The following TRAPPC9 variants were observed in gnomAD, a reference collection of about 807,000 sequenced individuals.
The protein encoded by TRAPPC9 is trafficking protein particle complex subunit 9.
TRAPPC9 carries 83 observed loss-of-function variants against 124.0 expected under a neutral mutation model. The ratio of observed to expected loss-of-function variants is 0.67; its 90% CI spans 0.56 to 0.80. TRAPPC9 has a LOEUF of 0.80. Ranked by LOEUF, TRAPPC9 falls within the 30% of genes least tolerant of loss-of-function variation. The probability of loss-of-function intolerance (pLI) is 0.00; values close to 1 mark genes in which losing one functional copy is unlikely to be tolerated. For synonymous variants in TRAPPC9, 638 were observed against 617.5 expected (o/e 1.03, Z -0.49); for missense variants, 1,302 against 1,508.3 (o/e 0.86, Z 2.27).
intron 21 of TRAPPC9, among the ~76,000 whole-genome samples, chr8:139,799,934 A>G (rs12681350): frequency 0.14 from 21,216 of 152,206 alleles, 1,760 homozygotes; most frequent in East Asian, 0.27. Flanking sequence ...ACTAATCACG[A>G]GAGGGAAGTG....
At chr8:139,946,397 G>GTCAA (rs1563942829) in intron 19 of TRAPPC9, among the ~76,000 whole-genome samples, 1 of 152,172 alleles carries the variant, frequency 6.6e-6, no homozygotes, top group African/African-American at 2.4e-5. Context: ...AGAAGCCCTC[G>GTCAA]TCAATGGCTG....
chr8:140,458,412 G>C (rs768280914), upstream of TRAPPC9: 6 of 1,594,308 alleles, frequency 3.8e-6, no homozygotes, highest in Non-Finnish European at 5.1e-6. Flanking sequence ...GACTCCCACG[G>C]TCGTGCCCCC....
At chr8:139,763,897 G>A (rs1440881203) in intron 21 of TRAPPC9, among the ~76,000 whole-genome samples, 1 of 152,224 alleles carries the variant, frequency 6.6e-6, no homozygotes, top group South Asian at 2.1e-4. Flanking sequence ...CAGAAGAACT[G>A]CCCGTTGACA....
At chr8:140,040,365 G>A (rs73357199) in intron 17 of TRAPPC9, 13,618 of 152,146 alleles carry the variant, frequency 0.09, 1,059 homozygotes, top group African/African-American at 0.2. Context: ...TGGTCAAGTG[G>A]CAAGGTCATC....
intron 17 of TRAPPC9, among the ~76,000 whole-genome samples, chr8:140,043,667 G>A (rs1841403925): frequency 6.6e-6 from 1 of 152,176 alleles, no homozygotes; most frequent in African/African-American, 2.4e-5. Flanking sequence ...CTAGATCGCT[G>A]GGCCAACACC....
At chr8:139,994,611 G>A (rs1030673017) in intron 18 of TRAPPC9, among the ~76,000 whole-genome samples, 7 of 152,224 alleles carry the variant, frequency 4.6e-5, no homozygotes, top group Non-Finnish European at 8.8e-5. Flanking sequence ...ATGAGGCAGA[G>A]CATAAGACAT....
At position 139,776,048 on chromosome 8, in the gene TRAPPC9, C is replaced by T. The variant is rs1462097785; in HGVS notation, c.3056-43846G>A. Among the ~76,000 whole-genome samples, 1 of 152,234 alleles carries T rather than the reference C, an allele frequency of 6.6e-6. No individual in the cohort carries two copies. The highest frequency in any genetic ancestry group is 2.4e-5 in the African/African-American group (1 of 41,450). ...GCTCTGAGCTGTCTTCCTCCTCTCACCAGGCACCTTCAGAGGTCTTGAGCA... is the reference window on the plus strand; with the variant it reads ...GCTCTGAGCTGTCTTCCTCCTCTCATCAGGCACCTTCAGAGGTCTTGAGCA... On this transcript the variant is annotated intron_variant, in intron 21 of 22. Coordinates refer to ENST00000438773, the MANE Select transcript of TRAPPC9 (RefSeq NM_001160372.4). The surrounding 1 kb of genome is among the most constrained non-coding windows in gnomAD (Gnocchi z 4.1).
At chr8:139,785,040 A>G (rs887881793) in intron 21 of TRAPPC9, among the ~76,000 whole-genome samples, 1 of 152,246 alleles carries the variant, frequency 6.6e-6, no homozygotes, top group African/African-American at 2.4e-5. Flanking sequence ...GCACAACAGC[A>G]ATAATTAAGA....
chr8:139,771,368 C>A (rs1820947267), intron 21 of TRAPPC9, among the ~76,000 whole-genome samples: 1 of 152,146 alleles, frequency 6.6e-6, no homozygotes, highest in Non-Finnish European at 1.5e-5. Flanking sequence ...AATCATGAAG[C>A]CCTGCCCAGG....
chr8:140,050,232 T>C (rs1841903040), intron 17 of TRAPPC9, among the ~76,000 whole-genome samples: 3 of 152,206 alleles, frequency 2.0e-5, no homozygotes, highest in Admixed American at 2.0e-4. Context: ...TCAAAGCCAA[T>C]GAAGAAGTCC....
chr8:140,137,567 G>A (rs532856489), intron 17 of TRAPPC9, among the ~76,000 whole-genome samples: 67 of 152,302 alleles, frequency 4.4e-4, no homozygotes, highest in Non-Finnish European at 7.9e-4. Context: ...TGTGACGGTC[G>A]GGGTCAAGCC....
intron 21 of TRAPPC9, among the ~76,000 whole-genome samples, chr8:139,763,952 T>TCGAG (rs952543800): frequency 1.4e-3 from 212 of 152,354 alleles, no homozygotes; most frequent in African/African-American, 4.9e-3. Context: ...GTTAGCAGTA[T>TCGAG]CGAGCATTTG....
At chr8:140,030,918 A>ATGG (rs1457187306) in intron 17 of TRAPPC9, among the ~76,000 whole-genome samples, 1 of 152,142 alleles carries the variant, frequency 6.6e-6, no homozygotes, top group East Asian at 1.9e-4. Context: ...CTATATCTTT[A>ATGG]TGGTGGTGGT....
At chr8:140,302,093 G>A (rs1193131842) in intron 10 of TRAPPC9, among the ~76,000 whole-genome samples, 1 of 152,198 alleles carries the variant, frequency 6.6e-6, no homozygotes, top group Non-Finnish European at 1.5e-5. Flanking sequence ...CTCTCTCAGT[G>A]AGGAGGGACC....
chr8:139,889,481 C>T (rs1044065294), intron 20 of TRAPPC9, among the ~76,000 whole-genome samples: 2 of 152,140 alleles, frequency 1.3e-5, no homozygotes, highest in African/African-American at 4.8e-5. Flanking sequence ...TGCTCAGTCC[C>T]TGAGGGAGAC....
chr8:139,864,227 C>G (rs1408215333), intron 21 of TRAPPC9, among the ~76,000 whole-genome samples: 1 of 152,208 alleles, frequency 6.6e-6, no homozygotes, highest in Non-Finnish European at 1.5e-5. Flanking sequence ...AGCTGATCCA[C>G]GTCCAAATAG....
At chr8:139,757,328 T>C (rs1210125513) in intron 21 of TRAPPC9, among the ~76,000 whole-genome samples, 1 of 126,240 alleles carries the variant, frequency 7.9e-6, no homozygotes, top group Non-Finnish European at 1.7e-5. Context: ...GAGCCAGGGA[T>C]TGGGGATGAG....
At chr8:139,824,090 T>C (rs974013828) in intron 21 of TRAPPC9, among the ~76,000 whole-genome samples, 2 of 152,186 alleles carry the variant, frequency 1.3e-5, no homozygotes, top group African/African-American at 2.4e-5. Context: ...CAAAAACTTA[T>C]GGGAGGGAGG....
chr8:140,454,166 G>A (rs532811858), intron 1 of TRAPPC9, among the ~76,000 whole-genome samples: 13 of 152,128 alleles, frequency 8.5e-5, no homozygotes, highest in South Asian at 2.1e-4. Flanking sequence ...GCACACACCC[G>A]CAGTCCCAGC....
Sources: gnomAD v4.1 joint callset for allele counts (sites outside exome capture counted in the v4.1 genomes callset) on GRCh38, gnomAD v4.1.1 for gene constraint, Gnocchi (gnomAD v3.1) non-coding constraint, MANE v1.5 for transcripts, NCBI Gene and HGNC (gene_info 2026-07-23, HGNC 2026-07-21) for gene names.